The following CNRIP1 variants were observed in gnomAD, a reference collection of about 807,000 sequenced individuals.
The protein encoded by CNRIP1 is cannabinoid receptor interacting protein 1.
A neutral mutation model predicts 15.2 loss-of-function variants in CNRIP1; 10 were observed. That is an observed-to-expected ratio of 0.66 (90% confidence interval 0.41 to 1.12). CNRIP1 has a LOEUF of 1.12. CNRIP1 is among the 50% of genes most tolerant of loss of function. The pLI is 0.00. For missense variants in CNRIP1, 211 were observed against 214.7 expected (o/e 0.98, Z 0.11); for synonymous variants, 91 against 83.2 (o/e 1.09, Z -0.51).
At chr2:68,286,612 C>T (rs1387605831) in intron 2 of CNRIP1, among the ~76,000 whole-genome samples, 1 of 152,132 alleles carries the variant, frequency 6.6e-6, no homozygotes, top group Non-Finnish European at 1.5e-5. Flanking sequence ...ATAATTTGGA[C>T]ATTTCAAATT....
chr2:68,287,385 G>A (rs1372861034), intron 2 of CNRIP1, among the ~76,000 whole-genome samples: 1 of 152,214 alleles, frequency 6.6e-6, no homozygotes, highest in East Asian at 1.9e-4. Flanking sequence ...GGACAGATAA[G>A]GGATAAAGCA....
At chr2:68,317,009 G>T in intron 2 of CNRIP1, 148 bp downstream of exon 2, 1 of 948,618 alleles carries the variant, frequency 1.1e-6, no homozygotes, top group Non-Finnish European at 1.7e-6. Context: ...TCTCTCTCCA[G>T]CAGATGCTTG....
At chr2:68,313,515 T>C (rs894343930) in intron 2 of CNRIP1, among the ~76,000 whole-genome samples, 5 of 152,172 alleles carry the variant, frequency 3.3e-5, no homozygotes, top group East Asian at 3.8e-4. Flanking sequence ...CAACTACTGA[T>C]ATGTGCAACA....
At chr2:68,289,042 T>A (rs765677092), downstream of CNRIP1, among the ~76,000 whole-genome samples, 1 of 152,218 alleles carries the variant, frequency 6.6e-6, no homozygotes, top group Non-Finnish European at 1.5e-5. Context: ...TATTTTTGAA[T>A]CTCTGAGACA....
intron 2 of CNRIP1, among the ~76,000 whole-genome samples, chr2:68,286,621 T>C (rs531871281): frequency 2.1e-4 from 32 of 152,330 alleles, no homozygotes; most frequent in African/African-American, 7.7e-4. Flanking sequence ...ACATTTCAAA[T>C]TCTGCTTCAA....
chr2:68,308,358 A>G (rs1573029913), intron 2 of CNRIP1, among the ~76,000 whole-genome samples: 1 of 152,178 alleles, frequency 6.6e-6, no homozygotes, highest in African/African-American at 2.4e-5. Context: ...TGTTTTGTCA[A>G]TATTTCTGTT....
chr2:68,297,911 A>G (rs1054058700), intron 2 of CNRIP1, among the ~76,000 whole-genome samples: 1 of 152,218 alleles, frequency 6.6e-6, no homozygotes, highest in East Asian at 1.9e-4. Flanking sequence ...TATAGAAAAA[A>G]TGAAAAATAT....
chr2:68,305,826 T>C (rs1671821508), intron 2 of CNRIP1, among the ~76,000 whole-genome samples: 1 of 143,540 alleles, frequency 7.0e-6, no homozygotes, highest in African/African-American at 2.6e-5. Context: ...CACACACACC[T>C]GGCAGTAAAG....
chr2:68,287,452 T>C (rs1671058031), intron 2 of CNRIP1, among the ~76,000 whole-genome samples: 2 of 152,260 alleles, frequency 1.3e-5, no homozygotes, highest in South Asian at 4.1e-4. Context: ...ATGTGTGTTA[T>C]GCAAGTCTTT....
chr2:68,308,570 A>G (rs561921626), intron 2 of CNRIP1, among the ~76,000 whole-genome samples: 1 of 152,174 alleles, frequency 6.6e-6, no homozygotes, highest in East Asian at 1.9e-4. Flanking sequence ...ACCTTATTTA[A>G]CCTTAATTTA....
intron 2 of CNRIP1, chr2:68,316,562 T>C (rs1306183398): frequency 6.6e-6 from 1 of 151,408 alleles, no homozygotes; most frequent in African/African-American, 2.4e-5. Flanking sequence ...TGGGGCCATA[T>C]TACCAGGGTA....
chr2:68,293,985 C>T lies in CNRIP1; in HGVS notation c.372G>A (p.Lys124=). The change falls in exon 3 of 3, where the codon AAG becomes AAA. Residue 124 remains lysine, a synonymous_variant. Transcript: ENST00000263655. ...GATCCCGCTTGTGGTAATTGTAGAA[C>T]TTGACTTGCCACACTGTCTCGAAGG... ...IGTFETVWQV[K]FYNYHKRDHC... The T allele has an allele frequency of 6.2e-7, 1 of 1,614,080 alleles. No homozygotes were observed. The highest frequency in any genetic ancestry group is 8.5e-7 in the Non-Finnish European group (1 of 1,179,966).
At chr2:68,286,719 C>A (rs533909425) in intron 2 of CNRIP1, among the ~76,000 whole-genome samples, 114 of 152,266 alleles carry the variant, frequency 7.5e-4, no homozygotes, top group African/African-American at 2.5e-3. Flanking sequence ...AGGAAATACC[C>A]TTGGCTGTCA....
intron 2 of CNRIP1, among the ~76,000 whole-genome samples, chr2:68,305,649 AGCTGGGCATGGTG>A (rs1671810026): frequency 6.6e-6 from 1 of 151,826 alleles, no homozygotes; most frequent in Non-Finnish European, 1.5e-5. Context: ...CAAAAGAATT[AGCTGGGCATGGTG>A]GCGAGCACCT....
intron 2 of CNRIP1, among the ~76,000 whole-genome samples, chr2:68,304,830 A>G (rs529424073): frequency 6.6e-6 from 1 of 152,278 alleles, no homozygotes; most frequent in East Asian, 1.9e-4. Flanking sequence ...AGGTTTTCTG[A>G]TCAAGTCACC....
At chr2:68,301,274 A>G (rs551933905) in intron 2 of CNRIP1, among the ~76,000 whole-genome samples, 1 of 152,080 alleles carries the variant, frequency 6.6e-6, no homozygotes, top group South Asian at 2.1e-4. Flanking sequence ...ATATTAACAG[A>G]ATAAAGGAGA....
At chr2:68,311,935 T>C (rs12624060) in intron 2 of CNRIP1, among the ~76,000 whole-genome samples, 32,537 of 151,764 alleles carry the variant, frequency 0.21, 4,263 homozygotes, top group East Asian at 0.66. Context: ...TAAGATAAAT[T>C]ACAAAAACTC....
chr2:68,304,626 C>CT lies in CNRIP1; in HGVS notation c.331-10601dup, dbSNP rs11292248. The stretch of plus-strand genomic sequence containing the variant: ...GTTTGAGCACTGGTCATCTGGTTGT[C>CT]TTTTTTTTTTTTTTGAGACAGAGTC... On this transcript the variant is annotated intron_variant, in intron 2 of 2. Transcript: ENST00000263655. 3.0e-3 allele frequency among the ~76,000 whole-genome samples: 409 copies of CT among 136,986 alleles called. 2 individuals carry two copies. The highest frequency in any genetic ancestry group is 0.026 in the East Asian group (118 of 4,606). 89.9% of individuals were successfully genotyped at this position (136,986 alleles called of 152,430 possible).
chr2:68,311,798 A>G (rs1264304228), intron 2 of CNRIP1, among the ~76,000 whole-genome samples: 4 of 151,342 alleles, frequency 2.6e-5, no homozygotes, highest in East Asian at 3.9e-4. Context: ...AAAAAAAAAA[A>G]AAAAGAAAAG....
Sources: gnomAD v4.1 joint callset for allele counts (sites outside exome capture counted in the v4.1 genomes callset) on GRCh38, gnomAD v4.1.1 for gene constraint, MANE v1.5 for transcripts, NCBI Gene and HGNC (gene_info 2026-07-23, HGNC 2026-07-21) for gene names.